Variants in RFC3 observed in about 807,000 individuals in gnomAD.
RFC3 encodes the protein replication factor C subunit 3, also known as A1 38 kDa subunit.
A neutral mutation model predicts 45.1 loss-of-function variants in RFC3; 41 were observed. The observed-to-expected ratio is 0.91, with a 90% confidence interval of 0.71 to 1.18. The LOEUF is 1.18. Among genes scored for constraint, RFC3 ranks in the 50% most tolerant of loss-of-function variants. RFC3 has a pLI of 0.00. For synonymous variants in RFC3, 149 were observed against 144.0 expected (o/e 1.03, Z -0.25); for missense variants, 423 against 428.1 (o/e 0.99, Z 0.10).
chr13:33,872,648 G>A lies in RFC3; in HGVS notation c.879+37431G>A, dbSNP rs559717283. On this transcript the variant is annotated intron_variant, in intron 8 of 8. Coordinates refer to the RFC3 transcript ENST00000434425. Reference sequence around the variant, plus strand: ...CTCGGGAGGCTGAGGATGGAGAATCGCTTGAACCCAGGAGGTGGAGGTTGC... The same window carrying A: ...CTCGGGAGGCTGAGGATGGAGAATCACTTGAACCCAGGAGGTGGAGGTTGC... 1.1e-4 allele frequency among the ~76,000 whole-genome samples: 17 copies of A among 152,226 alleles called. No homozygotes were observed. In the South Asian group the frequency reaches 2.9e-3, roughly 26 times the overall value.
chr13:33,970,773 G>A (rs755798229), downstream of RFC3, among the ~76,000 whole-genome samples: 6 of 152,242 alleles, frequency 3.9e-5, no homozygotes, highest in East Asian at 3.8e-4. Flanking sequence ...CCTGCTGAGC[G>A]CATACACACC....
At chr13:33,893,283 C>T (rs946423686) in intron 8 of RFC3, among the ~76,000 whole-genome samples, 5 of 151,996 alleles carry the variant, frequency 3.3e-5, no homozygotes, top group African/African-American at 1.2e-4. Flanking sequence ...CAGGTAGCAC[C>T]CCAATTATTT....
At chr13:33,866,001 G>A (rs1296466542) in intron 8 of RFC3, among the ~76,000 whole-genome samples, 1 of 152,176 alleles carries the variant, frequency 6.6e-6, no homozygotes, top group Non-Finnish European at 1.5e-5. Flanking sequence ...GGAGGTTGCA[G>A]TGAGCCGAGA....
downstream of RFC3, among the ~76,000 whole-genome samples, chr13:33,840,832 T>C (rs1264073121): frequency 6.6e-6 from 1 of 152,194 alleles, no homozygotes; most frequent in East Asian, 1.9e-4. Flanking sequence ...TACTAGTCTG[T>C]TTCATCATTT....
chr13:33,934,195 C>T (rs1377368113), intron 8 of RFC3, among the ~76,000 whole-genome samples: 1 of 150,806 alleles, frequency 6.6e-6, no homozygotes, highest in Non-Finnish European at 1.5e-5. Context: ...AATCTGGGTG[C>T]AATGGTGAGC....
At chr13:33,950,219 C>T (rs573155112) in intron 8 of RFC3, among the ~76,000 whole-genome samples, 255 of 152,098 alleles carry the variant, frequency 1.7e-3, no homozygotes, top group African/African-American at 5.9e-3. Context: ...AAATTAATAA[C>T]TTTTACTGTT....
intron 1 of RFC3, among the ~76,000 whole-genome samples, 192 bp from the exon 2 acceptor site, chr13:33,820,940 A>G (rs188856824): frequency 1.3e-5 from 2 of 149,146 alleles, no homozygotes; most frequent in Non-Finnish European, 3.0e-5. Context: ...TATATAAAAG[A>G]TACACAATAT....
chr13:33,925,428 A>G (rs1274395799), intron 8 of RFC3, among the ~76,000 whole-genome samples: 1 of 134,456 alleles, frequency 7.4e-6, no homozygotes, highest in Non-Finnish European at 1.5e-5. Flanking sequence ...AGTGTACTAT[A>G]TACATACATA....
intron 8 of RFC3, among the ~76,000 whole-genome samples, chr13:33,876,377 T>G (rs540951019): frequency 6.6e-6 from 1 of 152,346 alleles, no homozygotes; most frequent in East Asian, 1.9e-4. Flanking sequence ...TTTTCAAAGT[T>G]TTTGTTGACA....
intron 2 of RFC3, 40 bp downstream of exon 2, chr13:33,821,309 C>A: frequency 6.2e-7 from 1 of 1,600,184 alleles, no homozygotes; most frequent in Non-Finnish European, 8.6e-7. Flanking sequence ...TAATTTATAG[C>A]GGGGACTTTC....
chr13:33,919,476 G>A (rs979087510), intron 8 of RFC3, among the ~76,000 whole-genome samples: 2 of 152,000 alleles, frequency 1.3e-5, no homozygotes, highest in South Asian at 2.1e-4. Flanking sequence ...TAAGATGCTC[G>A]ATAAATCTGT....
intron 8 of RFC3, among the ~76,000 whole-genome samples, chr13:33,963,175 A>G (rs2083067669): frequency 7.7e-5 from 1 of 13,030 alleles, no homozygotes; most frequent in East Asian, 0.083. Context: ...ATTATAATTA[A>G]AATATTATAA....
chr13:33,920,108 G>A (rs2082758691), intron 8 of RFC3, among the ~76,000 whole-genome samples: 1 of 152,090 alleles, frequency 6.6e-6, no homozygotes, highest in Non-Finnish European at 1.5e-5. Flanking sequence ...GGAATTATGT[G>A]TTTGGATTGA....
intron 8 of RFC3, among the ~76,000 whole-genome samples, chr13:33,892,347 A>T: frequency 6.6e-6 from 1 of 152,180 alleles, no homozygotes; most frequent in Non-Finnish European, 1.5e-5. Context: ...ATGTTAATAG[A>T]AGGTTTCATC....
At chr13:33,881,644 C>T (rs2082485208) in intron 8 of RFC3, among the ~76,000 whole-genome samples, 1 of 152,110 alleles carries the variant, frequency 6.6e-6, no homozygotes, top group Non-Finnish European at 1.5e-5. Context: ...AGAGTCACTC[C>T]ATCTTCAAAT....
intron 8 of RFC3, among the ~76,000 whole-genome samples, chr13:33,867,275 C>CTCT (rs1416563484): frequency 1.4e-4 from 22 of 152,172 alleles, no homozygotes; most frequent in African/African-American, 5.1e-4. Context: ...TTCTTCCATA[C>CTCT]TCAGAGATGT....
intron 8 of RFC3, among the ~76,000 whole-genome samples, chr13:33,889,919 A>C (rs892483470): frequency 6.6e-6 from 1 of 152,222 alleles, no homozygotes; most frequent in African/African-American, 2.4e-5. Flanking sequence ...AACATGGATG[A>C]AGCTGGAGAA....
At chr13:33,874,299 G>T (rs1440230932) in intron 8 of RFC3, among the ~76,000 whole-genome samples, 1 of 152,018 alleles carries the variant, frequency 6.6e-6, no homozygotes, top group Admixed American at 6.6e-5. Flanking sequence ...AACTAGATGG[G>T]TGCTTCTTTT....
downstream of RFC3, among the ~76,000 whole-genome samples, chr13:33,970,757 G>A (rs1443078427): frequency 2.0e-5 from 3 of 152,208 alleles, no homozygotes; most frequent in African/African-American, 7.2e-5. Context: ...TTCTCTCACT[G>A]GTGGTCCTGC....
Sources: allele counts gnomAD v4.1 joint callset (sites outside exome capture counted in the v4.1 genomes callset), GRCh38; gene constraint gnomAD v4.1.1; transcripts MANE v1.5; gene names NCBI Gene and HGNC (gene_info 2026-07-23, HGNC 2026-07-21).